The following TMEM87B variants were observed in gnomAD, a reference collection of about 807,000 sequenced individuals.
TMEM87B encodes transmembrane protein 87B.
TMEM87B carries 83 observed loss-of-function variants against 80.3 expected under a neutral mutation model. That is an observed-to-expected ratio of 1.03 (90% confidence interval 0.87 to 1.24). The LOEUF (loss-of-function observed/expected upper bound fraction) is 1.24, where lower values mean the gene tolerates loss of function less well. TMEM87B is among the 50% of genes most tolerant of loss of function. The pLI, the probability that TMEM87B is intolerant of heterozygous loss-of-function variation, is 0.00. For missense variants in TMEM87B, 625 were observed against 674.4 expected (o/e 0.93, Z 0.81); for synonymous variants, 219 against 230.5 (o/e 0.95, Z 0.45).
At chr2:112,087,034 G>A (rs1393769193) in intron 9 of TMEM87B, among the ~76,000 whole-genome samples, 1 of 151,784 alleles carries the variant, frequency 6.6e-6, no homozygotes, top group African/African-American at 2.4e-5. Flanking sequence ...AGTCTTTTTC[G>A]ACTATACTTT....
Position 112,097,257 on chromosome 2 carries a change from C to T in TMEM87B, c.1238C>T (p.Thr413Ile). Residue 413 changes from threonine (T) to isoleucine (I), a missense_variant, in exon 13 of 19, where the codon ACA (threonine) becomes ATA (isoleucine). Thr to Ile is a moderately conservative substitution (Grantham distance 89). Transcript: ENST00000283206. ...VLASIVFMGWTTKTFRIAKCQ... is the reference protein window; with the variant it reads ...VLASIVFMGWITKTFRIAKCQ... Reference sequence around the variant, plus strand: ...GCTTCTATAGTGTTTATGGGGTGGACAACTAAGACATTTAGAATTGCAAAA... The same window carrying T: ...GCTTCTATAGTGTTTATGGGGTGGATAACTAAGACATTTAGAATTGCAAAA... 1 of 1,608,400 alleles carries T rather than the reference C, an allele frequency of 6.2e-7. No individual in the cohort carries two copies.
At position 112,083,012 on chromosome 2, in the gene TMEM87B, G is replaced by A. The variant is rs866450932; in HGVS notation, c.838+1494G>A. 5.4e-4 allele frequency among the ~76,000 whole-genome samples: 82 copies of A among 152,224 alleles called. 1 individual carries two copies. The highest frequency in any genetic ancestry group is 5.9e-4 in the Non-Finnish European group (40 of 68,038). On this transcript the variant is annotated intron_variant, in intron 8 of 18. Coordinates refer to ENST00000283206, the MANE Select transcript of TMEM87B (RefSeq NM_032824.3). ...ATAGGAGAGGTGGGCAGGAGCTGAT[G>A]TCCTTTCTGATTTTCCCAAGTGGGA...
intron 3 of TMEM87B, 90 bp from the exon 4 acceptor site, chr2:112,066,845 CT>C: frequency 8.6e-7 from 1 of 1,168,212 alleles, no homozygotes; most frequent in Non-Finnish European, 1.2e-6. Context: ...ACTGAATATA[CT>C]TTTGGTATTA....
chr2:112,116,282 A>T lies in TMEM87B; in HGVS notation c.*139A>T. 2 of 696,436 alleles carry T rather than the reference A, an allele frequency of 2.9e-6. No homozygotes were observed. Among genetic ancestry groups the T allele is most frequent in the Non-Finnish European group, 4.7e-6 (2 of 423,198 alleles). The allele number at this position is 696,436 out of a possible 1,614,324, so 43.1% of individuals were successfully genotyped here. The stretch of plus-strand genomic sequence containing the variant: ...CTGTGTATCAAAATGAAGAATTCAG[A>T]TGGTAGGAGGTTCTATAGTCCTTTT... On this transcript the variant is annotated 3_prime_UTR_variant, in exon 19 of 19. Transcript: ENST00000283206.
chr2:112,072,415 T>G (rs1286838178), intron 4 of TMEM87B, among the ~76,000 whole-genome samples: 3 of 152,298 alleles, frequency 2.0e-5, no homozygotes, highest in African/African-American at 7.2e-5. Context: ...TCTTCGGCCT[T>G]TTTTTGGTTG....
intron 15 of TMEM87B, 117 bp downstream of exon 15, chr2:112,100,812 A>C: frequency 1.8e-6 from 1 of 566,084 alleles, no homozygotes; most frequent in Non-Finnish European, 2.9e-6. Flanking sequence ...TATTTTAAAA[A>C]CTTTTATCTT....
intron 15 of TMEM87B, among the ~76,000 whole-genome samples, chr2:112,105,692 A>G (rs1414336414): frequency 1.3e-5 from 2 of 152,250 alleles, no homozygotes; most frequent in Admixed American, 6.5e-5. Flanking sequence ...TTTTAAATCC[A>G]TAAACTTTAA....
At chr2:112,101,720 G>T (rs1032393056) in intron 15 of TMEM87B, among the ~76,000 whole-genome samples, 2 of 152,128 alleles carry the variant, frequency 1.3e-5, no homozygotes, top group African/African-American at 4.8e-5. Flanking sequence ...CTTGCATGTA[G>T]GTGGACCTGA....
intron 9 of TMEM87B, among the ~76,000 whole-genome samples, chr2:112,086,550 C>T (rs1302412113): frequency 6.6e-6 from 1 of 152,188 alleles, no homozygotes; most frequent in African/African-American, 2.4e-5. Context: ...TCTTTTCCTC[C>T]TCTCACCTGT....
intron 11 of TMEM87B, among the ~76,000 whole-genome samples, chr2:112,096,269 G>T (rs1025540851): frequency 6.6e-6 from 1 of 151,994 alleles, no homozygotes; most frequent in Non-Finnish European, 1.5e-5. Context: ...TTGACTCACC[G>T]TCAGCCTGAG....
At chr2:112,061,850 A>G (rs1450508232) in intron 2 of TMEM87B, among the ~76,000 whole-genome samples, 9 of 152,358 alleles carry the variant, frequency 5.9e-5, no homozygotes, top group Admixed American at 5.9e-4. Context: ...AATGCTGGTC[A>G]TGTCCAACAG....
In TMEM87B at chr2:112,112,939, A is replaced by AT. The variant is rs200729584; in HGVS notation, c.1608+15dup. 0.015 allele frequency: 23,638 copies of AT among 1,610,158 alleles called. 216 individuals carry two copies. The highest frequency in any genetic ancestry group is 0.034 in the Middle Eastern group (204 of 6,046). ...AGTGGATTCAGATGAGGTAAAATAT[A>AT]TTTTTGCATATTTCCTTGGAGCTGA... On this transcript the variant is annotated intron_variant, in intron 18 of 18. Coordinates refer to ENST00000283206, the MANE Select transcript of TMEM87B (RefSeq NM_032824.3).
At chr2:112,084,792 T>A (rs1679096906) in intron 8 of TMEM87B, among the ~76,000 whole-genome samples, 1 of 152,258 alleles carries the variant, frequency 6.6e-6, no homozygotes, top group Admixed American at 6.5e-5. Context: ...TGGAATAGTC[T>A]CCTGAGCATT....
chr2:112,109,225 CTTT>C (rs1679848121), intron 17 of TMEM87B, among the ~76,000 whole-genome samples: 1 of 152,100 alleles, frequency 6.6e-6, no homozygotes, highest in Non-Finnish European at 1.5e-5. Context: ...CACTGTTATA[CTTT>C]TTTATTTTAG....
At chr2:112,059,245 A>C (rs1019322514) in intron 1 of TMEM87B, among the ~76,000 whole-genome samples, 4 of 152,180 alleles carry the variant, frequency 2.6e-5, no homozygotes, top group Admixed American at 6.5e-5. Flanking sequence ...ACATTAAACA[A>C]CTAATCAATT....
chr2:112,097,381 G>A (rs1003820816), intron 13 of TMEM87B, 90 bp downstream of exon 13: 11 of 1,115,534 alleles, frequency 9.9e-6, no homozygotes, highest in African/African-American at 3.3e-5. Context: ...GCAAATAGAG[G>A]TGATTTTAAT....
At chr2:112,090,136 C>T (rs571948437) in intron 10 of TMEM87B, among the ~76,000 whole-genome samples, 2 of 152,280 alleles carry the variant, frequency 1.3e-5, no homozygotes, top group South Asian at 2.1e-4. Flanking sequence ...TTTTAAGTCT[C>T]ATTTGTTTAT....
At chr2:112,056,434 C>T (rs1332133711) in intron 1 of TMEM87B, among the ~76,000 whole-genome samples, 1 of 152,076 alleles carries the variant, frequency 6.6e-6, no homozygotes, top group Non-Finnish European at 1.5e-5. Flanking sequence ...GGAAACTCTT[C>T]TTTCCAAGGC....
At chr2:112,102,693 CAT>C (rs1428187958) in intron 15 of TMEM87B, among the ~76,000 whole-genome samples, 1 of 150,492 alleles carries the variant, frequency 6.6e-6, no homozygotes, top group Non-Finnish European at 1.5e-5. Context: ...GTCTCAAAAA[CAT>C]AAATAAATAA....
Sources: allele counts gnomAD v4.1 joint callset (sites outside exome capture counted in the v4.1 genomes callset), GRCh38; gene constraint gnomAD v4.1.1; transcripts MANE v1.5; gene names NCBI Gene and HGNC (gene_info 2026-07-23, HGNC 2026-07-21).